TSSK1B: variants seen among roughly 807,000 people sequenced by gnomAD.
TSSK1B encodes the protein testis specific serine kinase 1B, also known as testis-specific serine/threonine-protein kinase 1.
A neutral mutation model predicts 4.0 loss-of-function variants in TSSK1B; 2 were observed. That is an observed-to-expected ratio of 0.50 (90% CI 0.20 to 1.57). The LOEUF (loss-of-function observed/expected upper bound fraction) is 1.57, where lower values mean the gene tolerates loss of function less well. Among genes scored for constraint, TSSK1B ranks in the 40% most tolerant of loss-of-function variants. The pLI is 0.22. For missense variants in TSSK1B, 488 were observed against 495.1 expected (o/e 0.99, Z 0.14); for synonymous variants, 198 against 200.7 (o/e 0.99, Z 0.11).
In TSSK1B at chr5:113,433,885, G is replaced by C. The variant is rs778176934; in HGVS notation, c.955C>G (p.Gln319Glu). ...ATKLEPEGEA[Q>E]PQAQPETKPE... ...TTTGTCTCAGGCTGTGCCTGGGGCTGTGCCTCTCCCTCAGGCTCCAGCTTG... is the reference window on the plus strand; with the variant it reads ...TTTGTCTCAGGCTGTGCCTGGGGCTCTGCCTCTCCCTCAGGCTCCAGCTTG... Residue 319 changes from glutamine to glutamate, a missense_variant, in exon 1 of 1, where the codon CAG becomes GAG. By Grantham distance (29) the Gln-to-Glu change is conservative. Coordinates refer to ENST00000390666, the MANE Select transcript of TSSK1B (RefSeq NM_032028.4). 1.2e-6 allele frequency: 2 copies of C among 1,614,018 alleles called. No individual in the cohort carries two copies. The highest frequency in any genetic ancestry group is 3.3e-5 in the Admixed American group (2 of 60,030).
Position 113,433,882 on chromosome 5 carries a change from G to A in TSSK1B, c.958C>T (p.Pro320Ser), listed in dbSNP as rs758477399. ...GGTTTTGTCTCAGGCTGTGCCTGGG[G>A]CTGTGCCTCTCCCTCAGGCTCCAGC... is the stretch of plus-strand genomic sequence containing the variant. ...TKLEPEGEAQ[P>S]QAQPETKPEG... is the part of the protein sequence containing the mutation. The change falls in exon 1 of 1, where the codon CCC becomes TCC. Residue 320 changes from proline to serine, a missense_variant. Coordinates refer to ENST00000390666, the MANE Select transcript of TSSK1B (RefSeq NM_032028.4). 2 of 1,613,902 alleles carry A rather than the reference G, an allele frequency of 1.2e-6. No individual in the cohort carries two copies. The highest frequency in any genetic ancestry group is 1.7e-6 in the Non-Finnish European group (2 of 1,179,902).
In TSSK1B at chr5:113,432,821, A is replaced by C. The variant is rs1279848345; in HGVS notation, c.*915T>G. The C allele has an allele frequency of 2.6e-5, 4 of 152,244 alleles. No homozygotes were observed. The highest frequency in any genetic ancestry group is 9.6e-5 in the African/African-American group (4 of 41,466). The allele number at this position is 152,244 out of a possible 1,614,324, so 9.4% of individuals were successfully genotyped here. On this transcript the variant is annotated 3_prime_UTR_variant, in exon 1 of 1. Coordinates refer to ENST00000390666, the MANE Select transcript of TSSK1B (RefSeq NM_032028.4). ...TTCTTCTGGGGGTGCTGGGGAGTAAATTAGCTACAAAATCAATTACAAGGA... is the reference window on the plus strand; with the variant it reads ...TTCTTCTGGGGGTGCTGGGGAGTAACTTAGCTACAAAATCAATTACAAGGA...
chr5:113,433,951 A>G lies in TSSK1B; in HGVS notation c.889T>C (p.Leu297=), dbSNP rs1561569517. Residue 297 remains leucine, a synonymous_variant, in exon 1 of 1, where the codon TTG becomes CTG. Transcript: ENST00000390666. ...TCAGAGCCAGGTTCGGGGGTCCACA[A>G]GGGTTCAGTTCCCCGGGAACTCTCC... ...EGESSRGTEP[L]WTPEPGSDKK... is the part of the protein sequence containing the mutation. The G allele has an allele frequency of 2.5e-6, 4 of 1,613,850 alleles. No homozygotes were observed. Among genetic ancestry groups the G allele is most frequent in the Admixed American group, 1.7e-5 (1 of 59,996 alleles).
In TSSK1B at chr5:113,434,835, T is replaced by A; in HGVS notation, c.5A>T (p.Asp2Val). 1 of 1,605,636 alleles carries A rather than the reference T, an allele frequency of 6.2e-7. No homozygotes were observed. Among genetic ancestry groups the A allele is most frequent in the Non-Finnish European group, 8.5e-7 (1 of 1,174,154 alleles). M[D>V]DAAVLKRRGY... ...TCGTCGCTTGAGGACAGCAGCGTCA[T>A]CCATGGTGCCAGGAATGCCCAGTGC... The change falls in exon 1 of 1, where the codon GAT becomes GTT. Residue 2 changes from aspartate to valine, a missense_variant. Physicochemically the swap from Asp to Val is radical, Grantham distance 152. Transcript: ENST00000390666. The surrounding 1 kb of genome is among the most constrained non-coding windows in gnomAD (Gnocchi z 4.2).
chr5:113,434,330 T>G lies in TSSK1B; in HGVS notation c.510A>C (p.Ala170=), dbSNP rs26980. The change falls in exon 1 of 1, where the codon GCA becomes GCC. Residue 170 remains alanine, a synonymous_variant. Transcript: ENST00000390666. The surrounding 1 kb of genome is among the most constrained non-coding windows in gnomAD (Gnocchi z 4.2). ...RCLRDDSGRM[A]LSKTFCGSPA... is the part of the protein sequence containing the mutation. ...GTGACCCACAGAAGGTCTTGCTTAA[T>G]GCCATTCGACCACTGTCATCCCGCA... 186,082 of 1,613,766 alleles carry G rather than the reference T, an allele frequency of 0.12. 12,105 individuals carry two copies. The highest frequency in any genetic ancestry group is 0.13 in the Non-Finnish European group (148,065 of 1,179,814).
Position 113,433,942 on chromosome 5 carries a change from G to T in TSSK1B, c.898C>A (p.Pro300Thr), listed in dbSNP as rs374502735. ...GACTTCTTGTCAGAGCCAGGTTCGGGGGTCCACAAGGGTTCAGTTCCCCGG... is the reference window on the plus strand; with the variant it reads ...GACTTCTTGTCAGAGCCAGGTTCGGTGGTCCACAAGGGTTCAGTTCCCCGG... ...SSRGTEPLWT[P>T]EPGSDKKSAT... The change falls in exon 1 of 1, where the codon CCC (proline) becomes ACC (threonine). Residue 300 changes from proline (P) to threonine (T), a missense_variant. Pro to Thr is a conservative substitution (Grantham distance 38, BLOSUM62 -1). Transcript: ENST00000390666. 2.5e-6 allele frequency: 4 copies of T among 1,613,894 alleles called. No homozygotes were observed. The highest frequency in any genetic ancestry group is 3.4e-6 in the Non-Finnish European group (4 of 1,179,886).
chr5:113,434,159 G>T lies in TSSK1B; in HGVS notation c.681C>A (p.Ile227=), dbSNP rs879239177. 3.1e-6 allele frequency: 5 copies of T among 1,614,078 alleles called. No homozygotes were observed. The South Asian group carries it at 4.4e-5, about 14-fold the overall frequency. ...GGAAGTTGACGCGGTGCTCCTTCTG[G>T]ATACGCAGCATCTTCTTGATGTTGG... ...DDSNIKKMLR[I]QKEHRVNFPR... The change falls in exon 1 of 1, where the codon ATC becomes ATA. Residue 227 remains isoleucine (I), a synonymous_variant. Transcript: ENST00000390666. The surrounding 1 kb of genome is among the most constrained non-coding windows in gnomAD (Gnocchi z 4.2).
In TSSK1B at chr5:113,433,347, C is replaced by A; in HGVS notation, c.*389G>T. ...GCCTCCCAGCAGGGTCACGCAACTG[C>A]CCCGGGGACGATGAAAGGAGGATAA... On this transcript the variant is annotated 3_prime_UTR_variant, in exon 1 of 1. Coordinates refer to ENST00000390666, the MANE Select transcript of TSSK1B (RefSeq NM_032028.4). The A allele has an allele frequency of 2.5e-6, 1 of 397,518 alleles. No individual in the cohort carries two copies. The highest frequency in any genetic ancestry group is 2.2e-5 in the South Asian group (1 of 45,722). 24.6% of individuals were successfully genotyped at this position (397,518 alleles called of 1,614,324 possible).
Position 113,434,880 on chromosome 5 carries a change from A to G in TSSK1B, c.-41T>C. 6.4e-7 allele frequency: 1 copy of G among 1,574,116 alleles called. No homozygotes were observed. Among genetic ancestry groups the G allele is most frequent in the Non-Finnish European group, 8.6e-7 (1 of 1,158,710 alleles). ...CAGTGCCTCTGAGGCTGCCCTCTAC[A>G]GCCCCGAGGCGCATGGGCCAGCAGT... On this transcript the variant is annotated 5_prime_UTR_variant, in exon 1 of 1. Transcript: ENST00000390666. This position sits in a 1 kb window ranked among gnomAD's most constrained non-coding sequence, Gnocchi z 4.2.
At position 113,433,943 on chromosome 5, in the gene TSSK1B, G is replaced by T. The variant is rs568101737; in HGVS notation, c.897C>A (p.Thr299=). The T allele has an allele frequency of 6.3e-5, 101 of 1,613,890 alleles. No individual in the cohort carries two copies. The South Asian group carries it at 1.0e-3, about 16-fold the overall frequency. The change falls in exon 1 of 1, where the codon ACC becomes ACA. Residue 299 remains threonine (T), a synonymous_variant. Coordinates refer to ENST00000390666, the MANE Select transcript of TSSK1B (RefSeq NM_032028.4). ...ACTTCTTGTCAGAGCCAGGTTCGGG[G>T]GTCCACAAGGGTTCAGTTCCCCGGG... ...ESSRGTEPLW[T]PEPGSDKKSA...
chr5:113,433,742 G>A lies in TSSK1B; in HGVS notation c.1098C>T (p.Ala366=). 6.2e-7 allele frequency: 1 copy of A among 1,611,410 alleles called. No individual in the cohort carries two copies. The highest frequency in any genetic ancestry group is 1.3e-5 in the African/African-American group (1 of 75,040). ...TCCCTGGGCCGCAAGAAGCTCACTG[G>A]GCCCGCGTCTCTGGAGGCTGTTGGG... ...GPPQQPPETR[A]Q is the part of the protein sequence containing the mutation. Residue 366 remains alanine (A), a synonymous_variant, in exon 1 of 1, where the codon GCC becomes GCT. Coordinates refer to ENST00000390666, the MANE Select transcript of TSSK1B (RefSeq NM_032028.4).
rs1320629664 is a variant in TSSK1B at position 113,434,816 on chromosome 5, C to T, written c.24G>A (p.Lys8=). The T allele has an allele frequency of 1.9e-6, 3 of 1,610,996 alleles. No homozygotes were observed. The highest frequency in any genetic ancestry group is 2.5e-6 in the Non-Finnish European group (3 of 1,177,564). Residue 8 remains lysine, a synonymous_variant, in exon 1 of 1, where the codon AAG becomes AAA. Transcript: ENST00000390666. The surrounding 1 kb of genome is among the most constrained non-coding windows in gnomAD (Gnocchi z 4.2). MDDAAVL[K]RRGYLLGINL... ...TTATCCCCAGGAGGTAGCCTCGTCG[C>T]TTGAGGACAGCAGCGTCATCCATGG...
Position 113,434,580 on chromosome 5 carries a change from T to C in TSSK1B, c.260A>G (p.Tyr87Cys), listed in dbSNP as rs775305117. The change falls in exon 1 of 1, where the codon TAC becomes TGC. Residue 87 changes from tyrosine (Y) to cysteine (C), a missense_variant. Physicochemically the swap from Tyr to Cys is radical, Grantham distance 194 (BLOSUM62 -2). Transcript: ENST00000390666. The surrounding 1 kb of genome is among the most constrained non-coding windows in gnomAD (Gnocchi z 4.2). ...CTGGACCGCGAGCTCCATGACGATGTAGACCTTGCCATGTGATGTCTCAAA... is the reference window on the plus strand; with the variant it reads ...CTGGACCGCGAGCTCCATGACGATGCAGACCTTGCCATGTGATGTCTCAAA... ...EIFETSHGKV[Y>C]IVMELAVQGD... 6.2e-7 allele frequency: 1 copy of C among 1,613,892 alleles called. No homozygotes were observed. Among genetic ancestry groups the C allele is most frequent in the Admixed American group, 1.7e-5 (1 of 59,992 alleles).
rs1193489777 is a variant in TSSK1B at position 113,434,230 on chromosome 5, C to T, written c.610G>A (p.Val204Met). 2.5e-6 allele frequency: 4 copies of T among 1,614,074 alleles called. No individual in the cohort carries two copies. The highest frequency in any genetic ancestry group is 2.5e-6 in the Non-Finnish European group (3 of 1,179,954). ...CCGCAGACCATGATGTAGAGGATCA[C>T]GCCTAGGCTCCAGATGTCGTACACC... ...PKVYDIWSLG[V>M]ILYIMVCGSM... Residue 204 changes from valine to methionine, a missense_variant, in exon 1 of 1, where the codon GTG (valine) becomes ATG (methionine). By Grantham distance (21) the Val-to-Met change is conservative. Transcript: ENST00000390666. This position sits in a 1 kb window ranked among gnomAD's most constrained non-coding sequence, Gnocchi z 4.2.
At position 113,434,063 on chromosome 5, in the gene TSSK1B, C is replaced by A. The variant is rs1023360814; in HGVS notation, c.777G>T (p.Arg259=). The A allele has an allele frequency of 5.6e-6, 9 of 1,614,026 alleles. No individual in the cohort carries two copies. Among genetic ancestry groups the A allele is most frequent in the African/African-American group, 5.3e-5 (4 of 74,938 alleles). ...IYHMLQPDVN[R]RLHIDEILSH... ...TGAGGATCTCGTCGATGTGGAGCCG[C>A]CGGTTGACGTCGGGCTGCAGCATGT... Residue 259 remains arginine (R), a synonymous_variant, in exon 1 of 1, where the codon CGG becomes CGT. Transcript: ENST00000390666. The surrounding 1 kb of genome is among the most constrained non-coding windows in gnomAD (Gnocchi z 4.2).
rs1254480524 is a variant in TSSK1B, at chr5:113,434,388, T to G, written c.452A>C (p.Lys151Thr). The G allele has an allele frequency of 6.2e-7, 1 of 1,613,728 alleles. No individual in the cohort carries two copies. The highest frequency in any genetic ancestry group is 8.5e-7 in the Non-Finnish European group (1 of 1,179,952). Residue 151 changes from lysine (K) to threonine (T), a missense_variant, in exon 1 of 1, where the codon AAG (lysine) becomes ACG (threonine). Lys to Thr is a moderately conservative substitution (Grantham distance 78). Coordinates refer to ENST00000390666, the MANE Select transcript of TSSK1B (RefSeq NM_032028.4). This position sits in a 1 kb window ranked among gnomAD's most constrained non-coding sequence, Gnocchi z 4.2. ...NLLLDKDFNI[K>T]LSDFSFSKRC... ...CTTGGAGAAGCTGAAGTCGGACAGC[T>G]TGATGTTGAAGTCCTTGTCAAGGAG...
Position 113,434,061 on chromosome 5 carries a change from C to A in TSSK1B, c.779G>T (p.Arg260Leu), listed in dbSNP as rs535839960. ...GCTGAGGATCTCGTCGATGTGGAGC[C>A]GCCGGTTGACGTCGGGCTGCAGCAT... is the stretch of plus-strand genomic sequence containing the variant. The part of the protein sequence containing the change: ...YHMLQPDVNR[R>L]LHIDEILSHC... Residue 260 changes from arginine to leucine, a missense_variant, in exon 1 of 1, where the codon CGG becomes CTG. By Grantham distance (102) the Arg-to-Leu change is moderately radical. Transcript: ENST00000390666. This position sits in a 1 kb window ranked among gnomAD's most constrained non-coding sequence, Gnocchi z 4.2. 3 of 1,614,118 alleles carry A rather than the reference C, an allele frequency of 1.9e-6. No individual in the cohort carries two copies. The highest frequency in any genetic ancestry group is 1.7e-6 in the Non-Finnish European group (2 of 1,179,950).
At position 113,433,133 on chromosome 5, in the gene TSSK1B, C is replaced by G. The variant is rs1338379413; in HGVS notation, c.*603G>C. 1 of 160,458 alleles carries G rather than the reference C, an allele frequency of 6.2e-6. No individual in the cohort carries two copies. Among genetic ancestry groups the G allele is most frequent in the Middle Eastern group, 3.1e-3 (1 of 320 alleles). 9.9% of individuals were successfully genotyped at this position (160,458 alleles called of 1,614,324 possible). A position where few individuals can be genotyped will look rare whatever the true frequency, so the allele number is the denominator to read the frequency against. ...AATGCTTTAAAAGTATGTTTTGAGG[C>G]TTCTTTAAAAGTTTATGGATCTTGC... On this transcript the variant is annotated 3_prime_UTR_variant, in exon 1 of 1. Transcript: ENST00000390666.
chr5:113,433,979 CT>C lies in TSSK1B; in HGVS notation c.860del (p.Glu287GlyfsTer115). The C allele has an allele frequency of 6.2e-7, 1 of 1,614,030 alleles. No individual in the cohort carries two copies. The highest frequency in any genetic ancestry group is 8.5e-7 in the Non-Finnish European group (1 of 1,179,884). On this transcript the variant is annotated frameshift_variant, in exon 1 of 1. Coordinates refer to ENST00000390666, the MANE Select transcript of TSSK1B (RefSeq NM_032028.4). LOFTEE classifies it low-confidence loss of function (END_TRUNC). ...RGSPSVAINK[E>X]GESSRGTEPL... ...GTTCAGTTCCCCGGGAACTCTCCCC[CT>C]CCTTGTTGATGGCCACAGAGGGAGA...
Sources: allele counts gnomAD v4.1 joint callset, GRCh38; gene constraint gnomAD v4.1.1; non-coding constraint Gnocchi (gnomAD v3.1); transcripts MANE v1.5; gene names NCBI Gene and HGNC (gene_info 2026-07-23, HGNC 2026-07-21).